RAB27A: variants seen among roughly 807,000 people sequenced by gnomAD.
The protein encoded by RAB27A is ras-related protein Rab-27A.
RAB27A carries 17 observed loss-of-function variants against 20.8 expected under a neutral mutation model. The ratio of observed to expected loss-of-function variants is 0.82; its 90% CI spans 0.56 to 1.23. The LOEUF (loss-of-function observed/expected upper bound fraction) is 1.23, where lower values mean the gene tolerates loss of function less well. Ranked by LOEUF, RAB27A falls within the 50% of genes most tolerant of loss-of-function variation. The pLI is 0.00. For missense variants in RAB27A, 277 were observed against 266.7 expected, an observed-to-expected ratio of 1.04 and a Z score of -0.27; for synonymous variants, 85 against 92.8, an observed-to-expected ratio of 0.92 and a Z score of 0.48.
chr15:55,250,580 G>C (rs534413949), intron 2 of RAB27A, among the ~76,000 whole-genome samples: 8 of 152,324 alleles, frequency 5.3e-5, no homozygotes, highest in African/African-American at 1.4e-4. Context: ...GCAGATGTTT[G>C]CTTTCATCCT....
chr15:55,211,459 G>C (rs1895022404), intron 6 of RAB27A, among the ~76,000 whole-genome samples: 1 of 151,974 alleles, frequency 6.6e-6, no homozygotes, highest in African/African-American at 2.4e-5. Context: ...TCCTTGTATA[G>C]ATGCTTCACT....
In RAB27A at chr15:55,228,077, T is replaced by A. The variant is rs76261521; in HGVS notation, c.343+532A>T. 3.9e-5 allele frequency among the ~76,000 whole-genome samples: 6 copies of A among 152,260 alleles called. No individual in the cohort carries two copies. In the East Asian group the frequency reaches 7.7e-4, roughly 20 times the overall value. ...CTGGTGACCACTTTTACCAATGCAG[T>A]TGTAGAGTTTTCCATGGCAGAATCC... On this transcript the variant is annotated intron_variant, in intron 5 of 6. Transcript: ENST00000336787.
chr15:55,249,265 T>G (rs1896801113), intron 2 of RAB27A, among the ~76,000 whole-genome samples: 1 of 152,168 alleles, frequency 6.6e-6, no homozygotes, highest in South Asian at 2.1e-4. Flanking sequence ...TTTGGTGGAA[T>G]TTAAGAGGAA....
intron 4 of RAB27A, 127 bp downstream of exon 4, chr15:55,230,274 T>C (rs138976923): frequency 5.0e-5 from 43 of 858,742 alleles, no homozygotes; most frequent in Middle Eastern, 5.9e-4. Flanking sequence ...AATTTCCTGC[T>C]AATTTGGCAG....
intron 2 of RAB27A, among the ~76,000 whole-genome samples, chr15:55,252,966 T>C (rs989592954): frequency 2.6e-5 from 4 of 151,636 alleles, no homozygotes; most frequent in Non-Finnish European, 4.4e-5. Flanking sequence ...ACCCCAGCCC[T>C]ACTAAAATTA....
intron 6 of RAB27A, among the ~76,000 whole-genome samples, chr15:55,214,007 T>C (rs1895148164): frequency 6.6e-6 from 1 of 152,220 alleles, no homozygotes; most frequent in Non-Finnish European, 1.5e-5. Flanking sequence ...TTAGAGGATA[T>C]ATGTGTAGGG....
At chr15:55,256,122 G>C (rs1300957015) in intron 2 of RAB27A, among the ~76,000 whole-genome samples, 4 of 152,188 alleles carry the variant, frequency 2.6e-5, no homozygotes, top group African/African-American at 9.7e-5. Context: ...GGTCAGAAAA[G>C]GGGAGCAATC....
intron 2 of RAB27A, among the ~76,000 whole-genome samples, chr15:55,304,391 C>T (rs1036852956): frequency 2.4e-4 from 36 of 150,962 alleles, no homozygotes; most frequent in Non-Finnish European, 4.1e-4. Context: ...ATCTGCTGAC[C>T]TTCCCTCCAC....
At chr15:55,289,692 C>T (rs1017418698) in intron 1 of RAB27A, 24 bp downstream of exon 1, 6 of 152,810 alleles carry the variant, frequency 3.9e-5, no homozygotes, top group Admixed American at 2.0e-4. Context: ...CGCCGCGCGC[C>T]TCCCGCTCCT....
At chr15:55,303,891 G>T (rs1352262847) in intron 2 of RAB27A, among the ~76,000 whole-genome samples, 1 of 140,196 alleles carries the variant, frequency 7.1e-6, no homozygotes, top group Non-Finnish European at 1.5e-5. Flanking sequence ...GGTGAGGGGC[G>T]CCTCTGCCCG....
At chr15:55,303,823 T>G (rs2054985970) in intron 2 of RAB27A, among the ~76,000 whole-genome samples, 1 of 119,350 alleles carries the variant, frequency 8.4e-6, no homozygotes. Flanking sequence ...AGCCGCCCCG[T>G]CCGGGAGGGA....
rs148770627 is a variant in RAB27A, at chr15:55,300,111, C to T, written c.-112+13928G>A. Among the ~76,000 whole-genome samples the T allele has an allele frequency of 4.9e-3, 747 of 152,084 alleles. 9 individuals carry two copies. Among genetic ancestry groups the T allele is most frequent in the African/African-American group, 0.017 (705 of 41,456 alleles). ...CTGGGATTACAGGCATGAGCCACCG[C>T]GCCTGGCCAATCCTAATTTCTTGAT... On this transcript the variant is annotated intron_variant, in intron 2 of 5. Transcript: ENST00000563262.
chr15:55,245,726 C>G (rs1896659804), intron 2 of RAB27A, among the ~76,000 whole-genome samples: 1 of 152,198 alleles, frequency 6.6e-6, no homozygotes, highest in Admixed American at 6.5e-5. Flanking sequence ...TAGAAAACTG[C>G]TAGACCAACT....
At chr15:55,227,825 T>C (rs1465696554) in intron 5 of RAB27A, among the ~76,000 whole-genome samples, 2 of 152,188 alleles carry the variant, frequency 1.3e-5, no homozygotes, top group Non-Finnish European at 2.9e-5. Flanking sequence ...AACAGTAATG[T>C]TTAAGTAGCA....
At chr15:55,315,259 C>G (rs1019158088) in intron 1 of RAB27A, among the ~76,000 whole-genome samples, 4 of 152,148 alleles carry the variant, frequency 2.6e-5, no homozygotes, top group Admixed American at 1.3e-4. Context: ...CAAAAATTAA[C>G]TCAAGATGGA....
intron 3 of RAB27A, among the ~76,000 whole-genome samples, chr15:55,230,847 G>T (rs1896004209): frequency 6.6e-6 from 1 of 151,998 alleles, no homozygotes; most frequent in African/African-American, 2.4e-5. Flanking sequence ...TAACCAGGGG[G>T]TACATGTGCA....
intron 2 of RAB27A, among the ~76,000 whole-genome samples, chr15:55,257,593 T>C (rs954701425): frequency 9.2e-5 from 14 of 152,248 alleles, no homozygotes; most frequent in African/African-American, 3.4e-4. Context: ...CTAGATGTCC[T>C]GCACAGCATT....
intron 3 of RAB27A, among the ~76,000 whole-genome samples, chr15:55,233,915 T>G (rs569666429): frequency 6.4e-4 from 98 of 152,282 alleles, no homozygotes; most frequent in African/African-American, 2.3e-3. Flanking sequence ...TACTAAAAAT[T>G]TCATTAGGGC....
intron 4 of RAB27A, among the ~76,000 whole-genome samples, chr15:55,229,934 C>A (rs1895965529): frequency 6.6e-6 from 1 of 152,118 alleles, no homozygotes. Flanking sequence ...CAAAATCCTT[C>A]AAGGTGGCTG....
Sources: allele counts gnomAD v4.1 joint callset (sites outside exome capture counted in the v4.1 genomes callset), GRCh38; gene constraint gnomAD v4.1.1; transcripts MANE v1.5; gene names NCBI Gene and HGNC (gene_info 2026-07-23, HGNC 2026-07-21).